The following RAB3C variants were observed in gnomAD, a reference collection of about 807,000 sequenced individuals.
The protein encoded by RAB3C is ras-related protein Rab-3C.
A neutral mutation model predicts 26.4 loss-of-function variants in RAB3C; 17 were observed. The observed-to-expected ratio is 0.64, with a 90% confidence interval of 0.44 to 0.97. The LOEUF (loss-of-function observed/expected upper bound fraction) is 0.97, where lower values mean the gene tolerates loss of function less well. Among genes scored for constraint, RAB3C ranks in the 50% least tolerant of loss-of-function variants. The probability of loss-of-function intolerance (pLI) is 0.00; values close to 1 mark genes in which losing one functional copy is unlikely to be tolerated. For missense variants in RAB3C, 242 were observed against 281.9 expected (o/e 0.86, Z 1.01); for synonymous variants, 91 against 95.9 (o/e 0.95, Z 0.30).
intron 1 of RAB3C, among the ~76,000 whole-genome samples, chr5:58,596,661 T>G (rs375034567): frequency 0.46 from 28,067 of 61,646 alleles, 7,450 homozygotes; most frequent in Non-Finnish European, 0.54. Context: ...TAATACATAA[T>G]ATATTATATA....
chr5:58,760,119 G>A (rs1741766898), intron 3 of RAB3C, among the ~76,000 whole-genome samples: 2 of 152,044 alleles, frequency 1.3e-5, no homozygotes, highest in African/African-American at 4.8e-5. Flanking sequence ...AGGGACCATT[G>A]CCATTCACTA....
At chr5:58,738,180 T>C (rs1741193865) in intron 3 of RAB3C, among the ~76,000 whole-genome samples, 1 of 152,312 alleles carries the variant, frequency 6.6e-6, no homozygotes, top group African/African-American at 2.4e-5. Flanking sequence ...CTTGTTTTTT[T>C]CCCACTCATA....
intron 2 of RAB3C, among the ~76,000 whole-genome samples, chr5:58,703,625 A>C (rs1476855252): frequency 6.6e-6 from 1 of 152,202 alleles, no homozygotes; most frequent in Non-Finnish European, 1.5e-5. Flanking sequence ...TCAAGCTACT[A>C]GTCCATTCTC....
At chr5:58,839,141 A>AT (rs968312311) in intron 4 of RAB3C, among the ~76,000 whole-genome samples, 15 of 149,982 alleles carry the variant, frequency 1.0e-4, no homozygotes, top group African/African-American at 2.2e-4. Context: ...TTGGGCCTTG[A>AT]TTTTTTTTTA....
intron 4 of RAB3C, among the ~76,000 whole-genome samples, chr5:58,833,536 G>A (rs1220268209): frequency 6.6e-6 from 1 of 152,034 alleles, no homozygotes; most frequent in Non-Finnish European, 1.5e-5. Context: ...GTGGCACTGG[G>A]GATACAAACA....
intron 2 of RAB3C, among the ~76,000 whole-genome samples, chr5:58,720,569 G>T (rs187604362): frequency 6.6e-6 from 1 of 151,734 alleles, no homozygotes; most frequent in Non-Finnish European, 1.5e-5. Flanking sequence ...AAACTCATTA[G>T]GTTTTTTGTC....
At chr5:58,612,403 T>A (rs1305831208) in intron 1 of RAB3C, among the ~76,000 whole-genome samples, 1 of 151,478 alleles carries the variant, frequency 6.6e-6, no homozygotes, top group Non-Finnish European at 1.5e-5. Flanking sequence ...CATCTCTGAT[T>A]TCTTTGAGCA....
chr5:58,583,012 CT>C, upstream of RAB3C: 1 of 1,399,646 alleles, frequency 7.1e-7, no homozygotes, highest in Non-Finnish European at 9.3e-7. Flanking sequence ...GAGACTACAG[CT>C]CCCAGGAGTG....
In RAB3C at chr5:58,823,226, T is replaced by C. The variant is rs552518844; in HGVS notation, c.372-1812T>C. 1,162 of 301,982 alleles carry C rather than the reference T, an allele frequency of 3.8e-3. 39 individuals are homozygous for C. The highest frequency in any genetic ancestry group is 0.037 in the South Asian group (1,124 of 30,366). The allele number at this position is 301,982 out of a possible 1,614,324, so 18.7% of individuals were successfully genotyped here. A position where few individuals can be genotyped will look rare whatever the true frequency, so the allele number is the denominator to read the frequency against. On this transcript the variant is annotated intron_variant, in intron 3 of 4. Coordinates refer to ENST00000282878, the MANE Select transcript of RAB3C (RefSeq NM_138453.4). ...AACTTCAGACCTGATGGAGGAGATA[T>C]ACAATAAAGCTCATATTGGCTGGGC...
intron 4 of RAB3C, among the ~76,000 whole-genome samples, chr5:58,838,718 G>A (rs1743804175): frequency 6.6e-6 from 1 of 152,132 alleles, no homozygotes; most frequent in African/African-American, 2.4e-5. Flanking sequence ...TCTGGTTTGT[G>A]GCATAGTTTA....
intron 2 of RAB3C, among the ~76,000 whole-genome samples, chr5:58,652,909 T>C (rs1387488759): frequency 6.6e-6 from 1 of 152,148 alleles, no homozygotes; most frequent in East Asian, 1.9e-4. Flanking sequence ...ACTTTCAAAA[T>C]AAAAATCTGT....
chr5:58,631,796 A>G (rs1003005196), intron 2 of RAB3C, among the ~76,000 whole-genome samples: 11 of 152,376 alleles, frequency 7.2e-5, no homozygotes, highest in African/African-American at 2.2e-4. Context: ...GACAAAACTC[A>G]GAATATTTTA....
chr5:58,857,472 CA>C lies in RAB3C; in HGVS notation c.*6123del, dbSNP rs1270489571. On this transcript the variant is annotated 3_prime_UTR_variant, in exon 5 of 5. Coordinates refer to ENST00000282878, the MANE Select transcript of RAB3C (RefSeq NM_138453.4). Reference sequence around the variant, plus strand: ...TAAAAGTGTACATTTTACTTTTAAGCAACTAATTTAGATACCTAAGAAAAAC... The same window carrying C: ...TAAAAGTGTACATTTTACTTTTAAGCACTAATTTAGATACCTAAGAAAAAC... The C allele has an allele frequency of 4.6e-5, 7 of 152,130 alleles. No homozygotes were observed. The East Asian group carries it at 1.4e-3, about 29-fold the overall frequency. The allele number at this position is 152,130 out of a possible 1,614,324, so 9.4% of individuals were successfully genotyped here.
intron 1 of RAB3C, among the ~76,000 whole-genome samples, chr5:58,591,090 A>G (rs962753984): frequency 5.3e-5 from 8 of 152,150 alleles, no homozygotes; most frequent in South Asian, 2.1e-4. Context: ...GACTAGTTAA[A>G]TTCTATTGCT....
At chr5:58,604,219 G>A (rs1371223007) in intron 1 of RAB3C, among the ~76,000 whole-genome samples, 1 of 152,190 alleles carries the variant, frequency 6.6e-6, no homozygotes, top group Non-Finnish European at 1.5e-5. Flanking sequence ...GTGGCAGAGG[G>A]TACAGTGGAT....
intron 3 of RAB3C, among the ~76,000 whole-genome samples, chr5:58,775,563 G>C (rs920721610): frequency 3.3e-5 from 5 of 152,090 alleles, no homozygotes; most frequent in African/African-American, 1.2e-4. Flanking sequence ...GGTGGTAAAT[G>C]CTTCTCACTT....
chr5:58,646,332 C>A (rs1422424666), intron 2 of RAB3C, among the ~76,000 whole-genome samples: 1 of 151,766 alleles, frequency 6.6e-6, no homozygotes, highest in South Asian at 2.1e-4. Flanking sequence ...CCTTAATGCT[C>A]GGCACAGTGC....
intron 3 of RAB3C, among the ~76,000 whole-genome samples, chr5:58,759,234 AAGG>A (rs999956955): frequency 6.6e-6 from 1 of 152,208 alleles, no homozygotes; most frequent in Non-Finnish European, 1.5e-5. Context: ...GAGATTATAG[AAGG>A]AGTTTCTAAC....
At chr5:58,651,496 A>G (rs1747648680) in intron 2 of RAB3C, among the ~76,000 whole-genome samples, 1 of 152,126 alleles carries the variant, frequency 6.6e-6, no homozygotes. Context: ...ATTAAAATCT[A>G]TTTTTATGTA....
Sources: gnomAD v4.1 joint callset for allele counts (sites outside exome capture counted in the v4.1 genomes callset) on GRCh38, gnomAD v4.1.1 for gene constraint, MANE v1.5 for transcripts, NCBI Gene and HGNC (gene_info 2026-07-23, HGNC 2026-07-21) for gene names.